RNF168: variants seen among roughly 807,000 people sequenced by gnomAD.
RNF168 encodes the protein ring finger protein 168.
Under a neutral mutation model 34.9 loss-of-function variants are expected in RNF168, and 34 were observed. That is an observed-to-expected ratio of 0.97 (90% CI 0.74 to 1.30). The LOEUF (loss-of-function observed/expected upper bound fraction) is 1.30, where lower values mean the gene tolerates loss of function less well. Among genes scored for constraint, RNF168 ranks in the 50% most tolerant of loss-of-function variants. The pLI is 0.00. For missense variants in RNF168, 725 were observed against 682.5 expected (o/e 1.06, Z -0.69); for synonymous variants, 264 against 254.7 (o/e 1.04, Z -0.35).
intron 4 of RNF168, among the ~76,000 whole-genome samples, chr3:196,478,997 G>A (rs778749512): frequency 1.3e-3 from 197 of 147,998 alleles, no homozygotes; most frequent in Middle Eastern, 6.9e-3. Flanking sequence ...GTGAGCCACC[G>A]CACCTGGCCA....
intron 1 of RNF168, among the ~76,000 whole-genome samples, chr3:196,497,014 T>C (rs1338212960): frequency 6.6e-6 from 1 of 152,000 alleles, no homozygotes; most frequent in African/African-American, 2.4e-5. Flanking sequence ...GGCATGGTGG[T>C]ACATGCCTGT....
intron 5 of RNF168, 42 bp downstream of exon 5, chr3:196,475,189 A>T: frequency 1.8e-6 from 2 of 1,117,310 alleles, no homozygotes; most frequent in Non-Finnish European, 2.8e-6. Flanking sequence ...CTACAGCATT[A>T]ATGAACCAGC....
In RNF168 at chr3:196,470,492, A is replaced by G. The variant is rs1030090156; in HGVS notation, c.*1327T>C. The G allele has an allele frequency of 2.1e-5, 3 of 144,730 alleles. No individual in the cohort carries two copies. Among genetic ancestry groups the G allele is most frequent in the African/African-American group, 5.3e-5 (2 of 37,652 alleles). The allele number at this position is 144,730 out of a possible 1,614,324, so 9.0% of individuals were successfully genotyped here. ...GGACCCGTTTCTGACCAACCACCCA[A>G]TCAGTTTCAATGATCCAGACTGTCA... On this transcript the variant is annotated 3_prime_UTR_variant, in exon 6 of 6. Transcript: ENST00000318037.
At chr3:196,476,490 C>T (rs1160667976) in intron 4 of RNF168, among the ~76,000 whole-genome samples, 1 of 151,256 alleles carries the variant, frequency 6.6e-6, no homozygotes, top group Non-Finnish European at 1.5e-5. Flanking sequence ...AATCTCGGCT[C>T]ACTGCAACCC....
chr3:196,482,535 C>T (rs947784459), intron 4 of RNF168, among the ~76,000 whole-genome samples: 4 of 152,184 alleles, frequency 2.6e-5, no homozygotes, highest in Admixed American at 1.3e-4. Context: ...TTTTCTGCAG[C>T]CACGATACCA....
chr3:196,489,806 T>C (rs181909574), intron 1 of RNF168, among the ~76,000 whole-genome samples: 1 of 152,218 alleles, frequency 6.6e-6, no homozygotes, highest in East Asian at 1.9e-4. Context: ...CCAGAGTGAG[T>C]AACCGTGGGA....
At chr3:196,492,692 C>T (rs1199572513) in intron 1 of RNF168, among the ~76,000 whole-genome samples, 1 of 152,014 alleles carries the variant, frequency 6.6e-6, no homozygotes, top group Non-Finnish European at 1.5e-5. Flanking sequence ...ACAGGAGAAT[C>T]GCTTGAACCC....
intron 1 of RNF168, among the ~76,000 whole-genome samples, chr3:196,494,301 A>G (rs1732684200): frequency 6.6e-6 from 1 of 152,158 alleles, no homozygotes; most frequent in Non-Finnish European, 1.5e-5. Flanking sequence ...GCTGAAACCC[A>G]CTTCGGTTAA....
chr3:196,496,775 G>A (rs748372925), intron 1 of RNF168, among the ~76,000 whole-genome samples: 18 of 152,106 alleles, frequency 1.2e-4, no homozygotes, highest in Non-Finnish European at 2.2e-4. Flanking sequence ...AGGCTGAGAC[G>A]GGAGGACTGC....
intron 1 of RNF168, among the ~76,000 whole-genome samples, chr3:196,493,841 C>CT (rs1177113541): frequency 6.8e-6 from 1 of 146,740 alleles, no homozygotes; most frequent in African/African-American, 2.7e-5. Flanking sequence ...CTATTTCTTT[C>CT]TTTTTTTAAA....
intron 5 of RNF168, 30 bp from the exon 6 acceptor site, chr3:196,472,802 C>A: frequency 2.2e-6 from 3 of 1,353,848 alleles, no homozygotes; most frequent in Non-Finnish European, 3.2e-6. Flanking sequence ...ACTGAGTGAA[C>A]CAGGGGAAAA....
At chr3:196,485,601 T>A (rs547116401) in intron 3 of RNF168, among the ~76,000 whole-genome samples, 1 of 152,142 alleles carries the variant, frequency 6.6e-6, no homozygotes, top group Admixed American at 6.5e-5. Flanking sequence ...ATTCCATTGG[T>A]CAATGACTTT....
intron 4 of RNF168, among the ~76,000 whole-genome samples, chr3:196,480,043 A>C (rs1732249258): frequency 7.3e-6 from 1 of 137,224 alleles, no homozygotes; most frequent in Admixed American, 7.2e-5. Flanking sequence ...GGGAAAGGGC[A>C]CAAGCAAACC....
At chr3:196,478,328 G>T (rs1009128158) in intron 4 of RNF168, among the ~76,000 whole-genome samples, 16 of 152,276 alleles carry the variant, frequency 1.1e-4, no homozygotes, top group African/African-American at 3.6e-4. Context: ...AACTACTCTT[G>T]TGCCAGTCAC....
At chr3:196,475,137 G>C (rs1425445995) in intron 5 of RNF168, 94 bp downstream of exon 5, 1 of 775,410 alleles carries the variant, frequency 1.3e-6, no homozygotes, top group Non-Finnish European at 2.3e-6. Context: ...ATTAACTATA[G>C]GGGCTTTTGT....
chr3:196,490,607 GA>G (rs557823455), intron 1 of RNF168, among the ~76,000 whole-genome samples: 14,313 of 139,986 alleles, frequency 0.1, 2,145 homozygotes, highest in African/African-American at 0.33. Flanking sequence ...CAAGTAAAAA[GA>G]AAAAAAAAAA....
chr3:196,489,144 C>G lies in RNF168; in HGVS notation c.302-461G>C, dbSNP rs1182915244. Among the ~76,000 whole-genome samples the G allele has an allele frequency of 2.0e-5, 3 of 152,110 alleles. No homozygotes were observed. In the East Asian group the frequency reaches 5.8e-4, roughly 29 times the overall value. ...GTGCTGCGATTACAGGTGTGAGCCA[C>G]CACGCCCGGCCTGGAATTCCATTTT... On this transcript the variant is annotated intron_variant, in intron 1 of 5. Transcript: ENST00000318037.
chr3:196,477,602 T>C (rs1225295898), intron 4 of RNF168, among the ~76,000 whole-genome samples: 1 of 152,222 alleles, frequency 6.6e-6, no homozygotes, highest in Non-Finnish European at 1.5e-5. Flanking sequence ...CTGTCAATGC[T>C]GATGCGGGAC....
At position 196,483,363 on chromosome 3, in the gene RNF168, G is replaced by A. The variant is rs117961782; in HGVS notation, c.680+407C>T. Among the ~76,000 whole-genome samples, 422 of 152,318 alleles carry A rather than the reference G, an allele frequency of 2.8e-3. 23 individuals are homozygous for A. In the South Asian group the frequency reaches 0.071, roughly 26 times the overall value. On this transcript the variant is annotated intron_variant, in intron 4 of 5. Transcript: ENST00000318037. The stretch of plus-strand genomic sequence containing the variant: ...CACCTGACCCTGGAGGGGTGTTGTG[G>A]TGAAACTCAATCACGCCACCTTTGT...
Sources: allele counts gnomAD v4.1 joint callset (sites outside exome capture counted in the v4.1 genomes callset), GRCh38; gene constraint gnomAD v4.1.1; transcripts MANE v1.5; gene names NCBI Gene and HGNC (gene_info 2026-07-23, HGNC 2026-07-21).